The following MUC4 variants were observed in gnomAD, a reference collection of about 807,000 sequenced individuals.
The protein encoded by MUC4 is mucin-4.
In MUC4, 202 loss-of-function variants were observed where a neutral mutation model predicts 257.9. That is an observed-to-expected ratio of 0.78 (90% CI 0.70 to 0.88). The LOEUF (loss-of-function observed/expected upper bound fraction) is 0.88, where lower values mean the gene tolerates loss of function less well. Among genes scored for constraint, MUC4 ranks in the 40% least tolerant of loss-of-function variants. MUC4 has a pLI of 0.00. For missense variants in MUC4, 5,976 were observed against 6,513.7 expected, an observed-to-expected ratio of 0.92 and a Z score of 2.84; for synonymous variants, 2,351 against 2,757.1, an observed-to-expected ratio of 0.85 and a Z score of 4.62.
intron 4 of MUC4, among the ~76,000 whole-genome samples, chr3:195,772,833 C>T (rs1723339702): frequency 2.3e-5 from 3 of 131,156 alleles, no homozygotes; most frequent in African/African-American, 9.6e-5. Context: ...CTCTCTCCAT[C>T]GCTCAGGGGT....
chr3:195,747,620 A>T (rs1177688065), intron 24 of MUC4, among the ~76,000 whole-genome samples: 1 of 152,258 alleles, frequency 6.6e-6, no homozygotes, highest in Non-Finnish European at 1.5e-5. Flanking sequence ...ATCCCAGCAC[A>T]TTGAGAGGCT....
chr3:195,809,039 G>T (rs749799781), intron 1 of MUC4, among the ~76,000 whole-genome samples: 1 of 152,126 alleles, frequency 6.6e-6, no homozygotes, highest in African/African-American at 2.4e-5. Flanking sequence ...GGCCTATTTC[G>T]ACCCAGTTGC....
In MUC4 at chr3:195,783,974, A is replaced by G. The variant is rs781012065; in HGVS notation, c.7606T>C (p.Ser2536Pro). The change falls in exon 2 of 25, where the codon TCA becomes CCA. Residue 2536 changes from serine (S) to proline (P), a missense_variant. By Grantham distance (74) the Ser-to-Pro change is moderately conservative (BLOSUM62 -1). Transcript: ENST00000463781. Reference protein sequence around the residue: ...TTPLPVTNASSLSTRHATSLH... With the variant: ...TTPLPVTNASPLSTRHATSLH... The stretch of plus-strand genomic sequence containing the variant: ...GAGGTGGCGTGACGTGTGGATAATG[A>G]GGAAGCATTGGTGACAGGAAGAGGG... 16 of 1,525,092 alleles carry G rather than the reference A, an allele frequency of 1.0e-5. 1 individual carries two copies. In the African/African-American group the frequency reaches 1.4e-4, roughly 13 times the overall value. The allele number at this position is 1,525,092 out of a possible 1,614,324, so 94.5% of individuals were successfully genotyped here. A position where few individuals can be genotyped will look rare whatever the true frequency, so the allele number is the denominator to read the frequency against.
intron 17 of MUC4, among the ~76,000 whole-genome samples, chr3:195,758,280 C>T (rs747265403): frequency 2.0e-5 from 3 of 151,888 alleles, no homozygotes; most frequent in Non-Finnish European, 2.9e-5. Context: ...AACACCTTTA[C>T]GGAGAGGGAG....
rs774153313 is a variant in MUC4 at position 195,750,998 on chromosome 3, G to C, written c.15762C>G (p.Ala5254=). Reference sequence around the variant, plus strand: ...GGTATAAGAACGCCTCCACCACCGCGGCCAGCAGCTGGTTGTTCAGGAAGT... The same window carrying C: ...GGTATAAGAACGCCTCCACCACCGCCGCCAGCAGCTGGTTGTTCAGGAAGT... ...VIDFLNNQLL[A]AVVEAFLYHV... Residue 5254 remains alanine (A), a synonymous_variant, in exon 23 of 25, where the codon GCC becomes GCG. Coordinates refer to ENST00000463781, the MANE Select transcript of MUC4 (RefSeq NM_018406.7). 1 of 1,614,072 alleles carries C rather than the reference G, an allele frequency of 6.2e-7. No individual in the cohort carries two copies. Among genetic ancestry groups the C allele is most frequent in the Non-Finnish European group, 8.5e-7 (1 of 1,180,018 alleles).
In MUC4 at chr3:195,781,440, G is replaced by GGGCTA. The variant is rs1727908740; in HGVS notation, c.10139_10140insTAGCC (p.Asp3381SerfsTer880). The GGGCTA allele has an allele frequency of 6.5e-7, 1 of 1,532,506 alleles. No homozygotes were observed. The highest frequency in any genetic ancestry group is 1.5e-5 in the African/African-American group (1 of 67,676). 94.9% of individuals were successfully genotyped at this position (1,532,506 alleles called of 1,614,324 possible). Reference sequence around the variant, plus strand: ...GACCTGTGGATGCCGAGGAAATGTCGGTGACAGGAAGACGGGTGGTGTCAC... The same window carrying GGGCTA: ...GACCTGTGGATGCCGAGGAAATGTCGGGCTAGTGACAGGAAGACGGGTGGTGTCAC... On this transcript the variant is annotated frameshift_variant, in exon 2 of 25. Transcript: ENST00000463781. LOFTEE classifies it high-confidence loss of function.
At position 195,752,448 on chromosome 3, in the gene MUC4, T is replaced by C. The variant is rs1181732343; in HGVS notation, c.15509-2A>G. ...GCTGGATGACTCTTAAGGGAAGTTC[T>C]GGAGATGGGAGAAGCAAATGTATCA... On this transcript the variant is annotated splice_acceptor_variant, in intron 20 of 24. Transcript: ENST00000463781. LOFTEE classifies it high-confidence loss of function. 6.2e-7 allele frequency: 1 copy of C among 1,613,294 alleles called. No individual in the cohort carries two copies. The highest frequency in any genetic ancestry group is 1.3e-5 in the African/African-American group (1 of 75,052).
chr3:195,765,590 C>T (rs1720284712), intron 8 of MUC4, 141 bp from the exon 9 acceptor site: 1 of 804,160 alleles, frequency 1.2e-6, no homozygotes, highest in Admixed American at 3.0e-5. Context: ...AGATGGGCAA[C>T]AATTCCTCCC....
Position 195,767,811 on chromosome 3 carries a change from CCATCACCACCACCACCACCAT to C in MUC4, c.13530-1081_13530-1061del, listed in dbSNP as rs1180684797. 9.1e-5 allele frequency among the ~76,000 whole-genome samples: 11 copies of C among 120,942 alleles called. No homozygotes were observed. In the South Asian group the frequency reaches 2.5e-3, roughly 28 times the overall value. The allele number at this position is 120,942 out of a possible 152,430, so 79.3% of individuals were successfully genotyped here. A position where few individuals can be genotyped will look rare whatever the true frequency, so the allele number is the denominator to read the frequency against. ...ATCATTGCCACCACCATCATCACCA[CCATCACCACCACCACCACCAT>C]CACCACCACCACCATCGCCACCATC... On this transcript the variant is annotated intron_variant, in intron 7 of 24. Transcript: ENST00000463781.
rs1719529137 is a variant in MUC4, at chr3:195,762,867, C to T, written c.14332G>A (p.Glu4778Lys). 6.4e-7 allele frequency: 1 copy of T among 1,565,328 alleles called. No individual in the cohort carries two copies. Among genetic ancestry groups the T allele is most frequent in the Non-Finnish European group, 8.6e-7 (1 of 1,156,566 alleles). The change falls in exon 13 of 25, where the codon GAA becomes AAA. Residue 4778 changes from glutamate (E) to lysine (K), a missense_variant. By Grantham distance (56) the Glu-to-Lys change is moderately conservative. Around this residue, in one of 44 missense-constraint regions of MUC4, gnomAD observed 996 missense variants for 1,137.3 expected, o/e 0.88. Coordinates refer to ENST00000463781, the MANE Select transcript of MUC4 (RefSeq NM_018406.7). ...NQTVTFQPDH[E>K]DGGGQETFNA... is the part of the protein sequence containing the mutation. ...CTCCCCAACCTACCTCCGCCGTCTT[C>T]ATGGTCAGGCTGAAATGTCACAGTC...
At position 195,757,200 on chromosome 3, in the gene MUC4, C is replaced by G; in HGVS notation, c.15115G>C (p.Glu5039Gln). The change falls in exon 18 of 25, where the codon GAG becomes CAG. Residue 5039 changes from glutamate to glutamine, a missense_variant. Transcript: ENST00000463781. This position sits in a 1 kb window ranked among gnomAD's most constrained non-coding sequence, Gnocchi z 4.8. Reference protein sequence around the residue: ...PRTVVCHCNAESQCLYNQTSR... With the variant: ...PRTVVCHCNAQSQCLYNQTSR... ...GTCTGATTGTACAAACACTGGCTCT[C>G]TGCATTGCAATGGCAGACCACAGTC... 5.0e-6 allele frequency: 8 copies of G among 1,612,876 alleles called. No individual in the cohort carries two copies. The highest frequency in any genetic ancestry group is 5.9e-6 in the Non-Finnish European group (7 of 1,179,046).
Position 195,786,597 on chromosome 3 carries a change from G to A in MUC4, c.4983C>T (p.His1661=), listed in dbSNP as rs76596008. 325 of 1,513,686 alleles carry A rather than the reference G, an allele frequency of 2.1e-4. No homozygotes were observed. The African/African-American group carries it at 4.2e-3, about 19-fold the overall frequency. 93.8% of individuals were successfully genotyped at this position (1,513,686 alleles called of 1,614,324 possible). A position where few individuals can be genotyped will look rare whatever the true frequency, so the allele number is the denominator to read the frequency against. Residue 1661 remains histidine, a synonymous_variant, in exon 2 of 25, where the codon CAC becomes CAT. Coordinates refer to ENST00000463781, the MANE Select transcript of MUC4 (RefSeq NM_018406.7). ...VTSPSSASTG[H]ATPLPVTSTS... is the part of the protein sequence containing the mutation. ...TGCTGGTGACAGGAAGAGGGGTGGC[G>A]TGACCTGTGGATGCTGAGGAAGGGC...
rs755675805 is a variant in MUC4 at position 195,786,554 on chromosome 3, C to G, written c.5026G>C (p.Gly1676Arg). Residue 1676 changes from glycine to arginine, a missense_variant, in exon 2 of 25, where the codon GGT (glycine) becomes CGT (arginine). By Grantham distance (125) the Gly-to-Arg change is moderately radical (BLOSUM62 -2). Transcript: ENST00000463781. Reference protein sequence around the residue: ...PVTSTSSASTGHATPLPVTGL... With the variant: ...PVTSTSSASTRHATPLPVTGL... ...GTGACAGGAAGAGGGGTGGCGTGAC[C>G]GGTGGATGCTGAGGAAGTGCTGGTG... The G allele has an allele frequency of 6.7e-4, 1,001 of 1,498,410 alleles. 10 individuals carry two copies. In the African/African-American group the frequency reaches 0.016, roughly 24 times the overall value. 92.8% of individuals were successfully genotyped at this position (1,498,410 alleles called of 1,614,324 possible). A position where few individuals can be genotyped will look rare whatever the true frequency, so the allele number is the denominator to read the frequency against.
Position 195,746,861 on chromosome 3 carries a change from A to T in MUC4, c.*315T>A, listed in dbSNP as rs1270483360. 1 of 441,812 alleles carries T rather than the reference A, an allele frequency of 2.3e-6. No homozygotes were observed. The highest frequency in any genetic ancestry group is 3.5e-5 in the East Asian group (1 of 28,844). 27.4% of individuals were successfully genotyped at this position (441,812 alleles called of 1,614,324 possible). A position where few individuals can be genotyped will look rare whatever the true frequency, so the allele number is the denominator to read the frequency against. On this transcript the variant is annotated 3_prime_UTR_variant, in exon 25 of 25. Transcript: ENST00000463781. ...TGTGCAGAAGCATTTTGCTTAACTTAGGGCCATCACCACATTATGAACTCG... is the reference window on the plus strand; with the variant it reads ...TGTGCAGAAGCATTTTGCTTAACTTTGGGCCATCACCACATTATGAACTCG...
In MUC4 at chr3:195,772,563, C is replaced by CGCTCAGGGGTGTAGACACCCTCTCTCCAT. The variant is rs1560276669; in HGVS notation, c.13078-748_13078-747insATGGAGAGAGGGTGTCTACACCCCTGAGC. Among the ~76,000 whole-genome samples, 124 of 49,682 alleles carry CGCTCAGGGGTGTAGACACCCTCTCTCCAT rather than the reference C, an allele frequency of 2.5e-3. 20 individuals carry two copies. The highest frequency in any genetic ancestry group is 9.0e-3 in the African/African-American group (99 of 11,004). 32.6% of individuals were successfully genotyped at this position (49,682 alleles called of 152,430 possible). On this transcript the variant is annotated intron_variant, in intron 4 of 24. Coordinates refer to ENST00000463781, the MANE Select transcript of MUC4 (RefSeq NM_018406.7). Reference sequence around the variant, plus strand: ...CAGGGGTGTAGACACCCTCTCTCCACCGCTCAGGGGTGTAGACACCCTCTC... The same window carrying CGCTCAGGGGTGTAGACACCCTCTCTCCAT: ...CAGGGGTGTAGACACCCTCTCTCCACGCTCAGGGGTGTAGACACCCTCTCTCCATCGCTCAGGGGTGTAGACACCCTCTC...
chr3:195,769,443 A>T, intron 6 of MUC4: 1 of 371,898 alleles, frequency 2.7e-6, no homozygotes, highest in Non-Finnish European at 5.0e-6. Flanking sequence ...AGTGTTTGTT[A>T]GAGAAAGCTA....
intron 1 of MUC4, among the ~76,000 whole-genome samples, chr3:195,798,017 T>C (rs555506737): frequency 1.5e-4 from 23 of 152,112 alleles, no homozygotes; most frequent in African/African-American, 5.5e-4. Flanking sequence ...TACTCAGAAG[T>C]TGAGGGGGGA....
chr3:195,757,024 A>AC lies in MUC4; in HGVS notation c.15168+122dup. The AC allele has an allele frequency of 4.0e-6, 4 of 995,898 alleles. No individual in the cohort carries two copies. The highest frequency in any genetic ancestry group is 3.5e-4 in the Middle Eastern group (1 of 2,888). 61.7% of individuals were successfully genotyped at this position (995,898 alleles called of 1,614,324 possible). A position where few individuals can be genotyped will look rare whatever the true frequency, so the allele number is the denominator to read the frequency against. On this transcript the variant is annotated intron_variant, in intron 18 of 24. Coordinates refer to ENST00000463781, the MANE Select transcript of MUC4 (RefSeq NM_018406.7). The surrounding 1 kb of genome is among the most constrained non-coding windows in gnomAD (Gnocchi z 4.8). ...AGACTGGAATCTGCTCTACTCACCT[A>AC]CCACTGCTCCACCCATCTCCCAACA...
chr3:195,767,784 CCATCATTGCCACCACCAT>C (rs1721583572), intron 7 of MUC4, among the ~76,000 whole-genome samples: 1 of 121,954 alleles, frequency 8.2e-6, no homozygotes, highest in African/African-American at 3.3e-5. Context: ...ACCATCACCA[CCATCATTGCCACCACCAT>C]CATCACCACC....
Sources: gnomAD v4.1 joint callset for allele counts (sites outside exome capture counted in the v4.1 genomes callset) on GRCh38, gnomAD v4.1.1 for gene constraint, gnomAD v4.1.1 regional missense constraint, Gnocchi (gnomAD v3.1) non-coding constraint, MANE v1.5 for transcripts, NCBI Gene and HGNC (gene_info 2026-07-23, HGNC 2026-07-21) for gene names.